The following FMO2 variants were observed in gnomAD, a reference collection of about 807,000 sequenced individuals.
FMO2 encodes flavin containing dimethylaniline monoxygenase 2, also known as flavin-containing monooxygenase 2.
FMO2 carries 33 observed loss-of-function variants against 41.6 expected under a neutral mutation model. The ratio of observed to expected loss-of-function variants is 0.79; its 90% CI spans 0.60 to 1.06. The LOEUF is 1.06. FMO2 is among the 50% of genes least tolerant of loss of function. The probability of loss-of-function intolerance (pLI) is 0.00; values close to 1 mark genes in which losing one functional copy is unlikely to be tolerated. For synonymous variants in FMO2, 214 were observed against 219.6 expected, an observed-to-expected ratio of 0.97 and a Z score of 0.23; for missense variants, 619 against 632.9, an observed-to-expected ratio of 0.98 and a Z score of 0.23.
chr1:171,185,872 A>G (rs1235429703), intron 2 of FMO2, 27 bp downstream of exon 2: 2 of 1,611,240 alleles, frequency 1.2e-6, no homozygotes, highest in Non-Finnish European at 1.7e-6. Context: ...TGGGTCTTGA[A>G]CAGGTTGTGT....
At chr1:171,190,625 AT>A (rs1363186998) in intron 2 of FMO2, among the ~76,000 whole-genome samples, 2 of 152,206 alleles carry the variant, frequency 1.3e-5, no homozygotes, top group African/African-American at 2.4e-5. Context: ...TTAGCATCTT[AT>A]CCCTAAATCC....
At chr1:171,194,704 A>G (rs971112386) in intron 3 of FMO2, among the ~76,000 whole-genome samples, 5 of 152,228 alleles carry the variant, frequency 3.3e-5, no homozygotes, top group African/African-American at 1.2e-4. Context: ...AGCTGCAATA[A>G]GTGGTGATTG....
At position 171,211,428 on chromosome 1, in the gene FMO2, A is replaced by T. The variant is rs1220970422; in HGVS notation, c.*2283A>T. On this transcript the variant is annotated 3_prime_UTR_variant, in exon 9 of 9. Transcript: ENST00000209929. ...TTTGCATAACTTGCCTTATTTCATC[A>T]TTATCACTACCCATTTAGTAGCTAT... 3.3e-5 allele frequency among the ~76,000 whole-genome samples: 5 copies of T among 152,218 alleles called. No individual in the cohort carries two copies. The highest frequency in any genetic ancestry group is 7.3e-5 in the Non-Finnish European group (5 of 68,032).
intron 3 of FMO2, among the ~76,000 whole-genome samples, chr1:171,196,314 A>AT (rs935064788): frequency 1.3e-5 from 2 of 152,200 alleles, no homozygotes; most frequent in African/African-American, 4.8e-5. Flanking sequence ...TGTAGAAGTC[A>AT]TTTTTGTGTA....
chr1:171,199,175 AG>A, intron 4 of FMO2, 170 bp from the exon 5 acceptor site: 1 of 525,804 alleles, frequency 1.9e-6, no homozygotes, highest in Non-Finnish European at 3.2e-6. Context: ...CTGGGATTAC[AG>A]GCCCCACCTG....
rs1420527622 is a variant in FMO2 at position 171,190,860 on chromosome 1, A to T, written c.133-2475A>T. The stretch of plus-strand genomic sequence containing the variant: ...ATTAACCCAACAATAAAAGTTTATC[A>T]CTTGGCTGGGCGCGGTGGCTCACGC... On this transcript the variant is annotated intron_variant, in intron 2 of 8. Transcript: ENST00000209929. 2.6e-5 allele frequency among the ~76,000 whole-genome samples: 4 copies of T among 152,162 alleles called. No individual in the cohort carries two copies. The East Asian group carries it at 7.7e-4, about 29-fold the overall frequency.
At chr1:171,192,741 G>A (rs1210853832) in intron 2 of FMO2, among the ~76,000 whole-genome samples, 1 of 146,990 alleles carries the variant, frequency 6.8e-6, no homozygotes, top group Non-Finnish European at 1.5e-5. Flanking sequence ...ACTTCAGCCT[G>A]GGTGACAGAG....
chr1:171,208,752 A>G, intron 8 of FMO2, 42 bp from the exon 9 acceptor site: 2 of 1,598,096 alleles, frequency 1.3e-6, no homozygotes, highest in East Asian at 2.2e-5. Context: ...TAGAAAACTT[A>G]GAACATTCTG....
At chr1:171,191,027 C>A (rs12567358) in intron 2 of FMO2, among the ~76,000 whole-genome samples, 56,501 of 151,778 alleles carry the variant, frequency 0.37, 11,262 homozygotes, top group East Asian at 0.55. Flanking sequence ...TACCTGTAAT[C>A]CCAGCTACTC....
rs370103987 is a variant in FMO2, at chr1:171,204,237, TA to T, written c.827+179del. Among the ~76,000 whole-genome samples the T allele has an allele frequency of 5.6e-4, 86 of 152,254 alleles. 1 individual carries two copies. The highest frequency in any genetic ancestry group is 2.0e-3 in the African/African-American group (82 of 41,560). ...CTTCTAAATTTGTTCTGTATGCCTT[TA>T]AAAAATACTTAAGAAGATGAAGCAG... is the stretch of plus-strand genomic sequence containing the variant. On this transcript the variant is annotated intron_variant, in intron 6 of 8. Transcript: ENST00000209929.
chr1:171,198,281 G>C (rs1274681651), intron 4 of FMO2, among the ~76,000 whole-genome samples: 1 of 151,982 alleles, frequency 6.6e-6, no homozygotes, highest in East Asian at 1.9e-4. Flanking sequence ...CTATGTGCCT[G>C]GTTTTTAGTT....
At chr1:171,192,757 C>T (rs1658132472) in intron 2 of FMO2, among the ~76,000 whole-genome samples, 1 of 118,072 alleles carries the variant, frequency 8.5e-6, no homozygotes, top group South Asian at 3.2e-4. Flanking sequence ...CAGAGCGAGA[C>T]TCTGTCTCAA....
chr1:171,206,231 C>T (rs1350964575), intron 7 of FMO2, among the ~76,000 whole-genome samples: 1 of 152,126 alleles, frequency 6.6e-6, no homozygotes, highest in East Asian at 1.9e-4. Context: ...TTCAACATAA[C>T]ATGACAAATG....
Position 171,205,462 on chromosome 1 carries a change from C to A in FMO2, c.1011C>A (p.Phe337Leu), listed in dbSNP as rs1658719217. The part of the protein sequence containing the change: ...FATGYSFSFP[F>L]LEDSLVKVEN... The stretch of plus-strand genomic sequence containing the variant: ...CAGGATATAGTTTCTCTTTTCCCTT[C>A]CTTGAAGATTCACTCGTTAAAGTAG... The change falls in exon 7 of 9, where the codon TTC becomes TTA. Residue 337 changes from phenylalanine (F) to leucine (L), a missense_variant. Coordinates refer to ENST00000209929, the MANE Select transcript of FMO2 (RefSeq NM_001460.5). 1 of 1,613,706 alleles carries A rather than the reference C, an allele frequency of 6.2e-7. No individual in the cohort carries two copies. The highest frequency in any genetic ancestry group is 8.5e-7 in the Non-Finnish European group (1 of 1,179,856).
At position 171,210,302 on chromosome 1, in the gene FMO2, G is replaced by A. The variant is rs1405177821; in HGVS notation, c.*1157G>A. On this transcript the variant is annotated 3_prime_UTR_variant, in exon 9 of 9. Coordinates refer to ENST00000209929, the MANE Select transcript of FMO2 (RefSeq NM_001460.5). ...GAAAAATAAGAATTGAGGAAAAAAA[G>A]TGTATCTTTCAAGTAGATGCAAAGC... is the stretch of plus-strand genomic sequence containing the variant. 1 of 152,166 alleles carries A rather than the reference G, an allele frequency of 6.6e-6. No individual in the cohort carries two copies. The highest frequency in any genetic ancestry group is 6.5e-5 in the Admixed American group (1 of 15,270). The allele number at this position is 152,166 out of a possible 1,614,324, so 9.4% of individuals were successfully genotyped here.
Position 171,212,312 on chromosome 1 carries a change from G to A in FMO2, c.*3167G>A, listed in dbSNP as rs1161795223. ...TTCTGCCTTCACCTTTGCCGTGGGT[G>A]GACACAGCAAGAAGGCCCTCATCAG... On this transcript the variant is annotated 3_prime_UTR_variant, in exon 9 of 9. Transcript: ENST00000209929. Among the ~76,000 whole-genome samples the A allele has an allele frequency of 6.6e-6, 1 of 152,086 alleles. No homozygotes were observed. The highest frequency in any genetic ancestry group is 1.5e-5 in the Non-Finnish European group (1 of 68,012).
In FMO2 at chr1:171,205,623, G is replaced by C. The variant is rs28369899; in HGVS notation, c.1172G>C (p.Arg391Thr). Residue 391 changes from arginine (R) to threonine (T), a missense_variant, in exon 7 of 9, where the codon AGA becomes ACA. Arg to Thr is a moderately conservative substitution (Grantham distance 71). Coordinates refer to ENST00000209929, the MANE Select transcript of FMO2 (RefSeq NM_001460.5). ...GAACTTCAAGCTCGTTGGGTGACAA[G>C]AGTTTTCAAAGGTAAGTGTGTAGGC... Reference protein sequence around the residue: ...TAELQARWVTRVFKGLCSLPS... With the variant: ...TAELQARWVTTVFKGLCSLPS... 3,108 of 1,605,842 alleles carry C rather than the reference G, an allele frequency of 1.9e-3. 45 individuals are homozygous for C. Among genetic ancestry groups the C allele is most frequent in the African/African-American group, 0.016 (1,218 of 74,638 alleles).
chr1:171,196,893 A>C lies in FMO2; in HGVS notation c.484+82A>C, dbSNP rs1571280409. 12 of 1,293,324 alleles carry C rather than the reference A, an allele frequency of 9.3e-6. No individual in the cohort carries two copies. In the East Asian group the frequency reaches 2.8e-4, roughly 30 times the overall value. The allele number at this position is 1,293,324 out of a possible 1,614,324, so 80.1% of individuals were successfully genotyped here. On this transcript the variant is annotated intron_variant, in intron 4 of 8. Transcript: ENST00000209929. Reference sequence around the variant, plus strand: ...TAGTTTGGATTGACAAGCAGGATTCATTGCTGCAACTGGGCAGAACTTGGC... The same window carrying C: ...TAGTTTGGATTGACAAGCAGGATTCCTTGCTGCAACTGGGCAGAACTTGGC...
intron 4 of FMO2, among the ~76,000 whole-genome samples, chr1:171,197,090 A>G (rs983996416): frequency 6.6e-6 from 1 of 152,176 alleles, no homozygotes; most frequent in African/African-American, 2.4e-5. Flanking sequence ...TCTGTTGGAG[A>G]GGCCCTTTTA....
Sources: gnomAD v4.1 joint callset for allele counts (sites outside exome capture counted in the v4.1 genomes callset) on GRCh38, gnomAD v4.1.1 for gene constraint, MANE v1.5 for transcripts, NCBI Gene and HGNC (gene_info 2026-07-23, HGNC 2026-07-21) for gene names.